ZNF324: variants seen among roughly 807,000 people sequenced by gnomAD.
The protein encoded by ZNF324 is zinc finger protein 324A.
In ZNF324, 3 loss-of-function variants were observed where a neutral mutation model predicts 10.3. The ratio of observed to expected loss-of-function variants is 0.29; its 90% CI spans 0.13 to 0.75. The LOEUF (loss-of-function observed/expected upper bound fraction) is 0.75, where lower values mean the gene tolerates loss of function less well. ZNF324 is among the 30% of genes least tolerant of loss of function. ZNF324 has a pLI of 0.69. For missense variants in ZNF324, 763 were observed against 784.4 expected, an observed-to-expected ratio of 0.97 and a Z score of 0.33; for synonymous variants, 430 against 339.5, an observed-to-expected ratio of 1.27 and a Z score of -2.93.
In ZNF324 at chr19:58,473,527, C is replaced by T. The variant is rs971058554; in HGVS notation, c.*1373C>T. The T allele has an allele frequency of 4.6e-5, 7 of 152,162 alleles. No individual in the cohort carries two copies. Among genetic ancestry groups the T allele is most frequent in the Middle Eastern group, 3.4e-3 (1 of 292 alleles). 9.4% of individuals were successfully genotyped at this position (152,162 alleles called of 1,614,324 possible). On this transcript the variant is annotated 3_prime_UTR_variant, in exon 4 of 4. Coordinates refer to ENST00000196482, the MANE Select transcript of ZNF324 (RefSeq NM_014347.3). ...CTTGTCCCTACTCCAGAGCATGGTTCAGTCTTAATAGCAGTTCAAGAGCTT... is the reference window on the plus strand; with the variant it reads ...CTTGTCCCTACTCCAGAGCATGGTTTAGTCTTAATAGCAGTTCAAGAGCTT...
Position 58,473,451 on chromosome 19 carries a change from G to A in ZNF324, c.*1297G>A, listed in dbSNP as rs1008805081. Reference sequence around the variant, plus strand: ...AAAAGACTACCATCTGCAACTCAGAGTAGGTGTTGCAGTTTCCTGTACAGC... The same window carrying A: ...AAAAGACTACCATCTGCAACTCAGAATAGGTGTTGCAGTTTCCTGTACAGC... On this transcript the variant is annotated 3_prime_UTR_variant, in exon 4 of 4. Transcript: ENST00000196482. 6.2e-5 allele frequency: 9 copies of A among 144,324 alleles called. No homozygotes were observed. The highest frequency in any genetic ancestry group is 3.7e-3 in the Middle Eastern group (1 of 272). 8.9% of individuals were successfully genotyped at this position (144,324 alleles called of 1,614,324 possible). A position where few individuals can be genotyped will look rare whatever the true frequency, so the allele number is the denominator to read the frequency against.
rs2122417175 is a variant in ZNF324 at position 58,471,731 on chromosome 19, T to G, written c.1239T>G (p.Phe413Leu). 1.2e-6 allele frequency: 2 copies of G among 1,611,314 alleles called. No individual in the cohort carries two copies. The highest frequency in any genetic ancestry group is 1.3e-5 in the African/African-American group (1 of 74,556). Reference sequence around the variant, plus strand: ...CCTTCAGCCAGGGCTCCTCGCTCTTTAAGCACCAGCGCGTGCACACAGGCG... The same window carrying G: ...CCTTCAGCCAGGGCTCCTCGCTCTTGAAGCACCAGCGCGTGCACACAGGCG... The part of the protein sequence containing the change: ...GAAFSQGSSL[F>L]KHQRVHTGEK... Residue 413 changes from phenylalanine (F) to leucine (L), a missense_variant, in exon 4 of 4, where the codon TTT (phenylalanine) becomes TTG (leucine). Physicochemically the swap from Phe to Leu is conservative, Grantham distance 22 (BLOSUM62 0). This residue lies in a region of ZNF324 where 153 missense variants were observed against 269.0 expected (regional missense o/e 0.57). Coordinates refer to ENST00000196482, the MANE Select transcript of ZNF324 (RefSeq NM_014347.3).
In ZNF324 at chr19:58,471,335, G is replaced by C; in HGVS notation, c.843G>C (p.Gly281=). 1 of 1,614,066 alleles carries C rather than the reference G, an allele frequency of 6.2e-7. No homozygotes were observed. Among genetic ancestry groups the C allele is most frequent in the African/African-American group, 1.3e-5 (1 of 75,070 alleles). ...DLLKHLRTHT[G]ERPYECAQCG... The stretch of plus-strand genomic sequence containing the variant: ...TCAAGCACCTACGCACCCACACCGG[G>C]GAGCGGCCCTACGAGTGCGCCCAGT... The change falls in exon 4 of 4, where the codon GGG becomes GGC. Residue 281 remains glycine, a synonymous_variant. Coordinates refer to ENST00000196482, the MANE Select transcript of ZNF324 (RefSeq NM_014347.3).
In ZNF324 at chr19:58,472,207, C is replaced by T. The variant is rs917847298; in HGVS notation, c.*53C>T. 14 of 1,484,046 alleles carry T rather than the reference C, an allele frequency of 9.4e-6. 2 individuals are homozygous for T. The highest frequency in any genetic ancestry group is 4.6e-5 in the East Asian group (2 of 43,094). The allele number at this position is 1,484,046 out of a possible 1,614,324, so 91.9% of individuals were successfully genotyped here. A position where few individuals can be genotyped will look rare whatever the true frequency, so the allele number is the denominator to read the frequency against. ...GTGAATCCCTTCCACAGCTAAAGGGCATATGTCCTCTGCAGATCCACAGCA... is the reference window on the plus strand; with the variant it reads ...GTGAATCCCTTCCACAGCTAAAGGGTATATGTCCTCTGCAGATCCACAGCA... On this transcript the variant is annotated 3_prime_UTR_variant, in exon 4 of 4. Transcript: ENST00000196482.
chr19:58,472,016 C>G lies in ZNF324; in HGVS notation c.1524C>G (p.Thr508=). The G allele has an allele frequency of 6.2e-7, 1 of 1,607,492 alleles. No individual in the cohort carries two copies. Among genetic ancestry groups the G allele is most frequent in the South Asian group, 1.1e-5 (1 of 91,080 alleles). Residue 508 remains threonine (T), a synonymous_variant, in exon 4 of 4, where the codon ACC becomes ACG. Transcript: ENST00000196482. ...AGAGGATCCATACCGGCGAGAAGACCGTCCGGCGATCCAGGGCCAGCCTGC... is the reference window on the plus strand; with the variant it reads ...AGAGGATCCATACCGGCGAGAAGACGGTCCGGCGATCCAGGGCCAGCCTGC... The part of the protein sequence containing the change: ...HHQRIHTGEK[T]VRRSRASLHP...
Position 58,471,081 on chromosome 19 carries a change from C to G in ZNF324, c.589C>G (p.Pro197Ala). The stretch of plus-strand genomic sequence containing the variant: ...GCCCAGGACGCCTGAGCGGCAGAAA[C>G]CATGTGCACAGGAGGTCCCTGGGAG... ...RQPRTPERQK[P>A]CAQEVPGRTF... Residue 197 changes from proline (P) to alanine (A), a missense_variant, in exon 4 of 4, where the codon CCA becomes GCA. Pro to Ala is a conservative substitution (Grantham distance 27). This residue lies in a region of ZNF324 where 379 missense variants were observed against 319.4 expected (regional missense o/e 1.19). Transcript: ENST00000196482. 2 of 1,613,868 alleles carry G rather than the reference C, an allele frequency of 1.2e-6. No homozygotes were observed. Among genetic ancestry groups the G allele is most frequent in the Non-Finnish European group, 1.7e-6 (2 of 1,180,034 alleles).
intron 1 of ZNF324, among the ~76,000 whole-genome samples, chr19:58,468,478 A>G (rs894132024): frequency 2.6e-5 from 4 of 152,156 alleles, no homozygotes; most frequent in African/African-American, 4.8e-5. Context: ...GCGACTGGTG[A>G]GAATCATCCA....
At chr19:58,470,248 C>T (rs117920607) in intron 3 of ZNF324, among the ~76,000 whole-genome samples, 5 of 152,292 alleles carry the variant, frequency 3.3e-5, no homozygotes, top group African/African-American at 7.2e-5. Flanking sequence ...TCAATCAGGA[C>T]GACCCTGGTC....
intron 3 of ZNF324, among the ~76,000 whole-genome samples, chr19:58,470,080 C>G (rs549501039): frequency 1.3e-5 from 2 of 152,320 alleles, no homozygotes; most frequent in African/African-American, 4.8e-5. Context: ...GAGACCATCT[C>G]AGAGTCCTGC....
chr19:58,469,331 A>G (rs2053007786), intron 2 of ZNF324, 25 bp downstream of exon 2: 1 of 1,610,522 alleles, frequency 6.2e-7, no homozygotes, highest in Non-Finnish European at 8.5e-7. Flanking sequence ...ACTCCATGAA[A>G]TGGGCAACTG....
At position 58,467,800 on chromosome 19, in the gene ZNF324, G is replaced by C. The variant is rs367661369; in HGVS notation, c.-7+617G>C. On this transcript the variant is annotated intron_variant, in intron 1 of 3. Coordinates refer to ENST00000196482, the MANE Select transcript of ZNF324 (RefSeq NM_014347.3). ...GCTCTCTCGATGTGGAGCTGGAGTA[G>C]AGGGGATGTGTGCGGCTGCAGTATC... is the stretch of plus-strand genomic sequence containing the variant. 6 of 152,346 alleles carry C rather than the reference G, an allele frequency of 3.9e-5. No homozygotes were observed. In the East Asian group the frequency reaches 1.2e-3, roughly 29 times the overall value. The allele number at this position is 152,346 out of a possible 1,614,324, so 9.4% of individuals were successfully genotyped here.
rs1489475813 is a variant in ZNF324, at chr19:58,472,474, TATGACAGTGGATGCTAAG to T, written c.*321_*338del. ...TGCACTGTGGTGCGGCTTCATGTGA[TATGACAGTGGATGCTAAG>T]GTGAGAGGGATGCAGGCATGGGTTG... is the stretch of plus-strand genomic sequence containing the variant. On this transcript the variant is annotated 3_prime_UTR_variant, in exon 4 of 4. Coordinates refer to ENST00000196482, the MANE Select transcript of ZNF324 (RefSeq NM_014347.3). 3 of 342,374 alleles carry T rather than the reference TATGACAGTGGATGCTAAG, an allele frequency of 8.8e-6. No individual in the cohort carries two copies. The highest frequency in any genetic ancestry group is 9.5e-5 in the East Asian group (2 of 20,948). 21.2% of individuals were successfully genotyped at this position (342,374 alleles called of 1,614,324 possible).
At position 58,469,813 on chromosome 19, in the gene ZNF324, G is replaced by C. The variant is rs769735117; in HGVS notation, c.207G>C (p.Leu69=). 18 of 1,601,676 alleles carry C rather than the reference G, an allele frequency of 1.1e-5. No individual in the cohort carries two copies. Among genetic ancestry groups the C allele is most frequent in the Non-Finnish European group, 1.4e-5 (17 of 1,174,178 alleles). The change falls in exon 3 of 4, where the codon CTG becomes CTC. Residue 69 remains leucine, a synonymous_variant. Coordinates refer to ENST00000196482, the MANE Select transcript of ZNF324 (RefSeq NM_014347.3). Reference sequence around the variant, plus strand: ...TTCCCAGTGGAACGGACACAACCCTGTCCAGGACCACCTACAGGAGGCGCA... The same window carrying C: ...TTCCCAGTGGAACGGACACAACCCTCTCCAGGACCACCTACAGGAGGCGCA... The part of the protein sequence containing the change: ...PWVPSGTDTT[L]SRTTYRRRNP...
chr19:58,469,402 A>G, intron 2 of ZNF324, 96 bp downstream of exon 2: 1 of 1,505,254 alleles, frequency 6.6e-7, no homozygotes, highest in Non-Finnish European at 9.0e-7. Context: ...GAGCAGGCCT[A>G]TACCTTGCAG....
In ZNF324 at chr19:58,471,124, A is replaced by G. The variant is rs898046555; in HGVS notation, c.632A>G (p.Gln211Arg). Residue 211 changes from glutamine to arginine, a missense_variant, in exon 4 of 4, where the codon CAG becomes CGG. Physicochemically the swap from Gln to Arg is conservative, Grantham distance 43. Around this residue, in one of 3 missense-constraint regions of ZNF324, gnomAD observed 379 missense variants for 319.4 expected, o/e 1.19. Coordinates refer to ENST00000196482, the MANE Select transcript of ZNF324 (RefSeq NM_014347.3). ...EVPGRTFGSA[Q>R]DLEAAGGRGH... ...CCTGGGAGAACCTTTGGGAGCGCCCAGGACCTGGAGGCTGCCGGCGGTCGG... is the reference window on the plus strand; with the variant it reads ...CCTGGGAGAACCTTTGGGAGCGCCCGGGACCTGGAGGCTGCCGGCGGTCGG... 6.2e-7 allele frequency: 1 copy of G among 1,613,868 alleles called. No individual in the cohort carries two copies. Among genetic ancestry groups the G allele is most frequent in the Non-Finnish European group, 8.5e-7 (1 of 1,180,042 alleles).
intron 1 of ZNF324, chr19:58,467,865 C>G (rs1370369405): frequency 6.6e-6 from 1 of 151,924 alleles, no homozygotes; most frequent in Non-Finnish European, 1.5e-5. Context: ...CGTCGGGAGA[C>G]ATAGAAGTTT....
In ZNF324 at chr19:58,474,724, C is replaced by T. The variant is rs1023059261; in HGVS notation, c.*2570C>T. 1 of 152,170 alleles carries T rather than the reference C, an allele frequency of 6.6e-6. No individual in the cohort carries two copies. The highest frequency in any genetic ancestry group is 2.4e-5 in the African/African-American group (1 of 41,390). The allele number at this position is 152,170 out of a possible 1,614,324, so 9.4% of individuals were successfully genotyped here. A position where few individuals can be genotyped will look rare whatever the true frequency, so the allele number is the denominator to read the frequency against. Reference sequence around the variant, plus strand: ...GACTGAACACATGCATCTCACTGGGCTCAGAAATCCACTGAAACCACAGAG... The same window carrying T: ...GACTGAACACATGCATCTCACTGGGTTCAGAAATCCACTGAAACCACAGAG... On this transcript the variant is annotated 3_prime_UTR_variant, in exon 4 of 4. Coordinates refer to ENST00000196482, the MANE Select transcript of ZNF324 (RefSeq NM_014347.3).
intron 1 of ZNF324, chr19:58,468,254 C>G (rs2052998957): frequency 1.0e-6 from 1 of 985,204 alleles, no homozygotes; most frequent in South Asian, 4.7e-5. Flanking sequence ...ATGAATTGGA[C>G]TGAGGAATGG....
chr19:58,467,274 C>T (rs2052989713), intron 1 of ZNF324, 91 bp downstream of exon 1: 1 of 152,120 alleles, frequency 6.6e-6, no homozygotes, highest in South Asian at 2.1e-4. Flanking sequence ...GCCTCTGTTT[C>T]TCAGAGTGCG....
Sources: gnomAD v4.1 joint callset for allele counts (sites outside exome capture counted in the v4.1 genomes callset) on GRCh38, gnomAD v4.1.1 for gene constraint, gnomAD v4.1.1 regional missense constraint, MANE v1.5 for transcripts, NCBI Gene and HGNC (gene_info 2026-07-23, HGNC 2026-07-21) for gene names.